TDRD7: variants seen among roughly 807,000 people sequenced by gnomAD.
The protein encoded by TDRD7 is tudor domain containing 7.
TDRD7 carries 47 observed loss-of-function variants against 109.8 expected under a neutral mutation model. That is an observed-to-expected ratio of 0.43 (90% CI 0.34 to 0.55). The LOEUF (loss-of-function observed/expected upper bound fraction) is 0.55, where lower values mean the gene tolerates loss of function less well. TDRD7 is among the 20% of genes least tolerant of loss of function. TDRD7 has a pLI of 0.03. For synonymous variants in TDRD7, 424 were observed against 457.3 expected (o/e 0.93, Z 0.93); for missense variants, 1,164 against 1,319.2 (o/e 0.88, Z 1.82).
chr9:97,419,406 AT>A (rs1827862359), intron 1 of TDRD7, among the ~76,000 whole-genome samples: 1 of 152,244 alleles, frequency 6.6e-6, no homozygotes, highest in Non-Finnish European at 1.5e-5. Flanking sequence ...AAATAACTGT[AT>A]AGTAGTTCAG....
intron 13 of TDRD7, 63 bp downstream of exon 13, chr9:97,478,636 G>T: frequency 6.2e-7 from 1 of 1,603,520 alleles, no homozygotes; most frequent in African/African-American, 1.3e-5. Flanking sequence ...TAATCTTATT[G>T]TAAGATGCCT....
At position 97,412,629 on chromosome 9, in the gene TDRD7, G is replaced by A. The variant is rs1412621781; in HGVS notation, c.-7+391G>A. Among the ~76,000 whole-genome samples, 2 of 152,242 alleles carry A rather than the reference G, an allele frequency of 1.3e-5. No homozygotes were observed. The highest frequency in any genetic ancestry group is 2.9e-5 in the Non-Finnish European group (2 of 68,030). Reference sequence around the variant, plus strand: ...AGTGGTTCCCGCTACCGGCGCGACAGGCCGCAGCCGCCGCCCCCAGCGAGG... The same window carrying A: ...AGTGGTTCCCGCTACCGGCGCGACAAGCCGCAGCCGCCGCCCCCAGCGAGG... On this transcript the variant is annotated intron_variant, in intron 1 of 16. Transcript: ENST00000355295. The surrounding 1 kb of genome is among the most constrained non-coding windows in gnomAD (Gnocchi z 4.3).
At chr9:97,455,433 C>T (rs972173742) in intron 6 of TDRD7, among the ~76,000 whole-genome samples, 4 of 152,208 alleles carry the variant, frequency 2.6e-5, no homozygotes, top group African/African-American at 9.7e-5. Flanking sequence ...CAAGAAAATA[C>T]TGGCAAACTG....
intron 6 of TDRD7, among the ~76,000 whole-genome samples, chr9:97,453,426 G>GA (rs1391792054): frequency 6.6e-6 from 1 of 152,046 alleles, no homozygotes; most frequent in African/African-American, 2.4e-5. Context: ...GGCTCCCATT[G>GA]AAAAAAACCA....
At chr9:97,449,788 C>T (rs997409266) in intron 6 of TDRD7, among the ~76,000 whole-genome samples, 1 of 152,156 alleles carries the variant, frequency 6.6e-6, no homozygotes, top group African/African-American at 2.4e-5. Context: ...TGGTAAGCAG[C>T]CCTACCCTGA....
Position 97,428,686 on chromosome 9 carries a change from T to C in TDRD7, c.207+14T>C, listed in dbSNP as rs776106335. The stretch of plus-strand genomic sequence containing the variant: ...AGATCTGGAGAGGTAAGAAGGTAAT[T>C]GTGCGTGTCAGAAGAATCAAACCAA... On this transcript the variant is annotated intron_variant, in intron 2 of 16. Coordinates refer to ENST00000355295, the MANE Select transcript of TDRD7 (RefSeq NM_014290.3). The C allele has an allele frequency of 8.1e-6, 13 of 1,611,526 alleles. No individual in the cohort carries two copies. Among genetic ancestry groups the C allele is most frequent in the Non-Finnish European group, 1.0e-5 (12 of 1,179,042 alleles).
chr9:97,416,353 C>T lies in TDRD7; in HGVS notation c.-7+4115C>T, dbSNP rs368225834. ...GAAAAATTTCGTGAAACCTCATACA[C>T]TAGTAGTTGTGCTTGCAGTATCCAT... is the stretch of plus-strand genomic sequence containing the variant. On this transcript the variant is annotated intron_variant, in intron 1 of 16. Transcript: ENST00000355295. Among the ~76,000 whole-genome samples the T allele has an allele frequency of 3.3e-5, 5 of 152,306 alleles. 1 individual carries two copies. Among genetic ancestry groups the T allele is most frequent in the African/African-American group, 7.2e-5 (3 of 41,550 alleles).
chr9:97,487,599 T>A (rs1829233643), intron 16 of TDRD7, among the ~76,000 whole-genome samples: 1 of 152,148 alleles, frequency 6.6e-6, no homozygotes, highest in Non-Finnish European at 1.5e-5. Flanking sequence ...GCTGTGATCT[T>A]AGTACAGATA....
At position 97,412,952 on chromosome 9, in the gene TDRD7, A is replaced by G. The variant is rs181285280; in HGVS notation, c.-7+714A>G. Among the ~76,000 whole-genome samples the G allele has an allele frequency of 1.9e-4, 29 of 152,172 alleles. No homozygotes were observed. Among genetic ancestry groups the G allele is most frequent in the Admixed American group, 7.9e-4 (12 of 15,284 alleles). Reference sequence around the variant, plus strand: ...CCGGCATATCTTTCTGCTCCCATTCACTTGAGAGGTATATTTCCATTAATA... The same window carrying G: ...CCGGCATATCTTTCTGCTCCCATTCGCTTGAGAGGTATATTTCCATTAATA... On this transcript the variant is annotated intron_variant, in intron 1 of 16. Transcript: ENST00000355295. This position sits in a 1 kb window ranked among gnomAD's most constrained non-coding sequence, Gnocchi z 4.3.
rs770099113 is a variant in TDRD7 at position 97,487,240 on chromosome 9, G to A, written c.2984G>A (p.Gly995Asp). ...GLVSVYELDY[G>D]KHELVNIRKV... ...GTATCTGTGTATGAGCTGGATTATG[G>A]CAAACACGAATTAGTCAACATAAGA... Residue 995 changes from glycine (G) to aspartate (D), a missense_variant, in exon 16 of 17, where the codon GGC becomes GAC. This residue lies in a region of TDRD7 where 162 missense variants were observed against 222.5 expected (regional missense o/e 0.73). Coordinates refer to ENST00000355295, the MANE Select transcript of TDRD7 (RefSeq NM_014290.3). The A allele has an allele frequency of 1.9e-6, 3 of 1,613,984 alleles. No homozygotes were observed. Among genetic ancestry groups the A allele is most frequent in the East Asian group, 2.2e-5 (1 of 44,874 alleles).
In TDRD7 at chr9:97,424,976, G is replaced by A. The variant is rs139044953; in HGVS notation, c.-6-3484G>A. On this transcript the variant is annotated intron_variant, in intron 1 of 16. Transcript: ENST00000355295. ...TAAAAAATTTTAGTGGTTGCCATAT[G>A]GTTTACAATATCCCTCTTTATCATA... Among the ~76,000 whole-genome samples, 1,059 of 151,882 alleles carry A rather than the reference G, an allele frequency of 7.0e-3. 13 individuals are homozygous for A. Among genetic ancestry groups the A allele is most frequent in the African/African-American group, 0.025 (1,015 of 41,394 alleles).
intron 1 of TDRD7, among the ~76,000 whole-genome samples, chr9:97,413,845 CCTG>C (rs1827765915): frequency 6.6e-6 from 1 of 152,154 alleles, no homozygotes; most frequent in Non-Finnish European, 1.5e-5. Context: ...AGTGTAATCC[CCTG>C]CTAATGCCCT....
chr9:97,414,036 A>G (rs891967243), intron 1 of TDRD7, among the ~76,000 whole-genome samples: 4 of 152,208 alleles, frequency 2.6e-5, no homozygotes, highest in African/African-American at 9.6e-5. Flanking sequence ...TGTGTTTGTC[A>G]AGTGCTGTTT....
chr9:97,454,233 C>T (rs899342153), intron 6 of TDRD7, among the ~76,000 whole-genome samples: 1 of 152,178 alleles, frequency 6.6e-6, no homozygotes, highest in Admixed American at 6.5e-5. Flanking sequence ...GTAATCCCAG[C>T]ACTTTGGGAG....
intron 14 of TDRD7, among the ~76,000 whole-genome samples, chr9:97,482,551 T>G (rs1038929672): frequency 1.3e-5 from 2 of 152,246 alleles, no homozygotes; most frequent in Non-Finnish European, 1.5e-5. Flanking sequence ...ATTTTAATCA[T>G]GATATATAGA....
intron 14 of TDRD7, among the ~76,000 whole-genome samples, chr9:97,481,840 T>C (rs1384803700): frequency 6.6e-6 from 1 of 152,216 alleles, no homozygotes; most frequent in African/African-American, 2.4e-5. Flanking sequence ...TTGCAGTCAG[T>C]ATTTAATTAG....
At chr9:97,479,371 A>G (rs1829077478) in intron 13 of TDRD7, among the ~76,000 whole-genome samples, 1 of 152,108 alleles carries the variant, frequency 6.6e-6, no homozygotes, top group African/African-American at 2.4e-5. Flanking sequence ...CTGGAAATTG[A>G]TGGGCCTTTA....
chr9:97,459,533 A>G (rs768956494), intron 6 of TDRD7, among the ~76,000 whole-genome samples: 3 of 152,342 alleles, frequency 2.0e-5, no homozygotes, highest in Middle Eastern at 3.4e-3. Flanking sequence ...AAAATATGTC[A>G]TCAAGCTGTG....
At chr9:97,469,036 G>A (rs994060794) in intron 8 of TDRD7, among the ~76,000 whole-genome samples, 1 of 152,198 alleles carries the variant, frequency 6.6e-6, no homozygotes, top group African/African-American at 2.4e-5. Context: ...TTCTTTTGAG[G>A]CTTTGGAGCA....
Sources: allele counts gnomAD v4.1 joint callset (sites outside exome capture counted in the v4.1 genomes callset), GRCh38; gene constraint gnomAD v4.1.1; regional missense constraint gnomAD v4.1.1; non-coding constraint Gnocchi (gnomAD v3.1); transcripts MANE v1.5; gene names NCBI Gene and HGNC (gene_info 2026-07-23, HGNC 2026-07-21).